The following CFAP20DC variants were observed in gnomAD, a reference collection of about 807,000 sequenced individuals.
CFAP20DC encodes CFAP20 domain containing, also known as protein CFAP20DC.
In CFAP20DC, 84 loss-of-function variants were observed where a neutral mutation model predicts 101.7. That is an observed-to-expected ratio of 0.83 (90% confidence interval 0.69 to 0.99). The LOEUF (loss-of-function observed/expected upper bound fraction) is 0.99, where lower values mean the gene tolerates loss of function less well. Among genes scored for constraint, CFAP20DC ranks in the 50% least tolerant of loss-of-function variants. CFAP20DC has a pLI of 0.00. For synonymous variants in CFAP20DC, 359 were observed against 351.2 expected, an observed-to-expected ratio of 1.02 and a Z score of -0.25; for missense variants, 1,007 against 970.3, an observed-to-expected ratio of 1.04 and a Z score of -0.50.
intron 12 of CFAP20DC, chr3:58,862,632 A>C (rs972581956): frequency 4.1e-6 from 4 of 985,242 alleles, no homozygotes; most frequent in Middle Eastern, 5.2e-4. Flanking sequence ...CTATGGACTT[A>C]ATCTGTGCCT....
At chr3:58,807,401 T>C (rs1291334232) in intron 14 of CFAP20DC, among the ~76,000 whole-genome samples, 3 of 152,284 alleles carry the variant, frequency 2.0e-5, no homozygotes, top group Admixed American at 1.3e-4. Flanking sequence ...GCAGCATTCG[T>C]GGTTCATGAA....
chr3:58,870,878 G>A (rs1284894124), intron 7 of CFAP20DC, among the ~76,000 whole-genome samples: 1 of 99,192 alleles, frequency 1.0e-5, no homozygotes, highest in Non-Finnish European at 1.8e-5. Context: ...CTGGGCGACA[G>A]AGCGAGACTC....
At chr3:58,921,490 T>A (rs2085364779) in intron 5 of CFAP20DC, among the ~76,000 whole-genome samples, 1 of 152,166 alleles carries the variant, frequency 6.6e-6, no homozygotes, top group African/African-American at 2.4e-5. Context: ...CTAATTTTTT[T>A]TTACATATAG....
chr3:58,907,506 T>C (rs1003620920), intron 6 of CFAP20DC, among the ~76,000 whole-genome samples: 1 of 152,244 alleles, frequency 6.6e-6, no homozygotes, highest in Non-Finnish European at 1.5e-5. Flanking sequence ...TTATCATTTA[T>C]GCACATCTAT....
intron 4 of CFAP20DC, among the ~76,000 whole-genome samples, chr3:59,033,522 GA>G (rs1448516870): frequency 6.6e-6 from 1 of 152,096 alleles, no homozygotes; most frequent in Non-Finnish European, 1.5e-5. Context: ...TGATGGAGCT[GA>G]AAAACACAGC....
At chr3:59,009,051 A>G (rs1366698081) in intron 4 of CFAP20DC, among the ~76,000 whole-genome samples, 3 of 152,282 alleles carry the variant, frequency 2.0e-5, no homozygotes, top group East Asian at 1.9e-4. Context: ...AAGACTTTCT[A>G]TAACTAAGGA....
chr3:58,806,727 G>A (rs2074095092), intron 14 of CFAP20DC, among the ~76,000 whole-genome samples: 1 of 152,210 alleles, frequency 6.6e-6, no homozygotes, highest in Non-Finnish European at 1.5e-5. Flanking sequence ...CAGGACAGTG[G>A]GTGCAGCGCA....
intron 14 of CFAP20DC, among the ~76,000 whole-genome samples, chr3:58,829,006 A>G (rs2076222638): frequency 6.6e-6 from 1 of 152,174 alleles, no homozygotes; most frequent in South Asian, 2.1e-4. Flanking sequence ...TAAAGGATCA[A>G]TATGGATGTT....
At chr3:58,725,331 C>A (rs933189616) in intron 3 of CFAP20DC, among the ~76,000 whole-genome samples, 4 of 152,190 alleles carry the variant, frequency 2.6e-5, no homozygotes, top group Non-Finnish European at 5.9e-5. Context: ...AAGGAGTGAT[C>A]TGAAGTGGAG....
chr3:58,936,462 G>C lies in CFAP20DC; in HGVS notation c.393+1186C>G, dbSNP rs561862318. 2.0e-5 allele frequency among the ~76,000 whole-genome samples: 3 copies of C among 152,270 alleles called. No homozygotes were observed. In the South Asian group the frequency reaches 6.2e-4, roughly 32 times the overall value. ...GGGTTAGAAATCATGCTGCTATAAA[G>C]ACACATGCACACGTATGTTTATTGC... On this transcript the variant is annotated intron_variant, in intron 5 of 16. Transcript: ENST00000482387.
intron 5 of CFAP20DC, among the ~76,000 whole-genome samples, chr3:58,933,596 C>A (rs1173268045): frequency 6.6e-6 from 1 of 152,268 alleles, no homozygotes; most frequent in East Asian, 1.9e-4. Context: ...TGAAATCAAA[C>A]CAGAACTCAG....
At chr3:59,036,338 GGA>G (rs2094102998) in intron 4 of CFAP20DC, among the ~76,000 whole-genome samples, 1 of 152,120 alleles carries the variant, frequency 6.6e-6, no homozygotes, top group Non-Finnish European at 1.5e-5. Context: ...ATTCAAATAG[GGA>G]GAGAGGGAGT....
chr3:58,817,410 T>G (rs1328507596), intron 14 of CFAP20DC, among the ~76,000 whole-genome samples: 1 of 149,454 alleles, frequency 6.7e-6, no homozygotes, highest in Non-Finnish European at 1.5e-5. Flanking sequence ...TAGAAGAATG[T>G]ATAACTAGAA....
chr3:58,797,899 T>C (rs2073374996), intron 15 of CFAP20DC, among the ~76,000 whole-genome samples: 1 of 152,152 alleles, frequency 6.6e-6, no homozygotes, highest in Non-Finnish European at 1.5e-5. Context: ...AAAGCCTGGA[T>C]GAAGGCACAT....
chr3:58,830,818 C>A (rs1461668801), intron 14 of CFAP20DC, among the ~76,000 whole-genome samples: 1 of 152,124 alleles, frequency 6.6e-6, no homozygotes, highest in Non-Finnish European at 1.5e-5. Flanking sequence ...CTTAAAATGG[C>A]TCTAGGTACT....
At chr3:58,751,638 T>C (rs771842158) in intron 16 of CFAP20DC, among the ~76,000 whole-genome samples, 2 of 152,160 alleles carry the variant, frequency 1.3e-5, no homozygotes, top group Non-Finnish European at 2.9e-5. Flanking sequence ...GGAAAAATAA[T>C]ATTTCAACTC....
intron 1 of CFAP20DC, 31 bp from the exon 2 acceptor site, chr3:59,047,285 A>G: frequency 7.2e-7 from 1 of 1,393,234 alleles, no homozygotes; most frequent in Non-Finnish European, 9.8e-7. Context: ...ATTAAAAGAC[A>G]ATGCTAACGA....
At chr3:58,870,073 C>T in intron 8 of CFAP20DC, 100 bp downstream of exon 8, 1 of 1,059,728 alleles carries the variant, frequency 9.4e-7, no homozygotes, top group South Asian at 1.5e-5. Context: ...GTCTGTCTGT[C>T]TGTCTGTCTT....
intron 16 of CFAP20DC, among the ~76,000 whole-genome samples, 183 bp from the exon 17 acceptor site, chr3:58,742,755 A>G (rs543904409): frequency 6.6e-6 from 1 of 152,280 alleles, no homozygotes; most frequent in South Asian, 2.1e-4. Context: ...TTCCAGGTGG[A>G]GAAGAAACAC....
Sources: gnomAD v4.1 joint callset for allele counts (sites outside exome capture counted in the v4.1 genomes callset) on GRCh38, gnomAD v4.1.1 for gene constraint, MANE v1.5 for transcripts, NCBI Gene and HGNC (gene_info 2026-07-23, HGNC 2026-07-21) for gene names.